DNAH5: variants seen among roughly 807,000 people sequenced by gnomAD.
DNAH5 encodes the protein axonemal beta dynein heavy chain 5.
DNAH5 carries 372 observed loss-of-function variants against 518.2 expected under a neutral mutation model. The observed-to-expected ratio is 0.72, with a 90% confidence interval of 0.66 to 0.78. The LOEUF is 0.78. Among genes scored for constraint, DNAH5 ranks in the 30% least tolerant of loss-of-function variants. DNAH5 has a pLI of 0.00. For synonymous variants in DNAH5, 2,039 were observed against 2,025.9 expected, an observed-to-expected ratio of 1.01 and a Z score of -0.17; for missense variants, 5,523 against 5,687.0, an observed-to-expected ratio of 0.97 and a Z score of 0.93.
intron 1 of DNAH5, among the ~76,000 whole-genome samples, chr5:13,980,425 A>G (rs563068556): frequency 6.6e-6 from 1 of 152,218 alleles, no homozygotes; most frequent in East Asian, 1.9e-4. Flanking sequence ...CATCGAACTC[A>G]GCATCTCCCA....
chr5:13,850,895 C>CTGGAGGAA, intron 30 of DNAH5, 80 bp from the exon 31 acceptor site: 1 of 1,451,204 alleles, frequency 6.9e-7, no homozygotes, highest in Non-Finnish European at 9.7e-7. Context: ...ATTCCTCCAG[C>CTGGAGGAA]TGAGGCTAGA....
At chr5:13,808,225 C>CAAAAAAAAAA (rs56686032) in intron 46 of DNAH5, among the ~76,000 whole-genome samples, 3 of 86,340 alleles carry the variant, frequency 3.5e-5, no homozygotes, top group Admixed American at 1.3e-4. Context: ...GACTCCATCT[C>CAAAAAAAAAA]AAAAAAAAAA....
intron 55 of DNAH5, among the ~76,000 whole-genome samples, chr5:13,774,623 T>C (rs563776352): frequency 3.5e-4 from 54 of 152,306 alleles, no homozygotes; most frequent in Middle Eastern, 3.4e-3. Flanking sequence ...AAGCTCAATA[T>C]GTACGTTCCG....
At chr5:13,937,751 GA>G (rs1411146262) in intron 1 of DNAH5, among the ~76,000 whole-genome samples, 1 of 152,172 alleles carries the variant, frequency 6.6e-6, no homozygotes, top group Admixed American at 6.5e-5. Context: ...AAGAGAAAGA[GA>G]TCTGACTTAA....
At chr5:13,921,236 C>T (rs999618201) in intron 5 of DNAH5, among the ~76,000 whole-genome samples, 3 of 152,004 alleles carry the variant, frequency 2.0e-5, no homozygotes, top group Admixed American at 1.3e-4. Flanking sequence ...ATTTGCTTAA[C>T]TCCCCCATTC....
In DNAH5 at chr5:13,920,623, T is replaced by C; in HGVS notation, c.661-6A>G. 6.2e-7 allele frequency: 1 copy of C among 1,614,008 alleles called. No homozygotes were observed. Among genetic ancestry groups the C allele is most frequent in the Non-Finnish European group, 8.5e-7 (1 of 1,179,894 alleles). On this transcript the variant is annotated splice_region_variant and splice_polypyrimidine_tract_variant and intron_variant, in intron 5 of 78. Transcript: ENST00000265104. ...TCACACTTTCGAAGGTTCACCTAAT[T>C]AGAATGAAAATTAAATAATCAGATG...
intron 32 of DNAH5, among the ~76,000 whole-genome samples, chr5:13,843,482 GC>G: frequency 6.6e-6 from 1 of 152,122 alleles, no homozygotes; most frequent in Middle Eastern, 3.2e-3. Context: ...GAAGTCCTAA[GC>G]CCTGATACCT....
chr5:13,716,167 A>G (rs1361454744), intron 74 of DNAH5, among the ~76,000 whole-genome samples: 1 of 152,202 alleles, frequency 6.6e-6, no homozygotes, highest in Non-Finnish European at 1.5e-5. Flanking sequence ...ACAGACAGAG[A>G]ACTCCAGGTG....
chr5:13,852,378 G>A (rs1054143893), intron 30 of DNAH5, among the ~76,000 whole-genome samples: 2 of 152,116 alleles, frequency 1.3e-5, no homozygotes, highest in Non-Finnish European at 2.9e-5. Flanking sequence ...TGTTGGTCAG[G>A]CTGGTCTCGA....
chr5:13,976,729 AC>A (rs1782286114), intron 1 of DNAH5, among the ~76,000 whole-genome samples: 1 of 151,238 alleles, frequency 6.6e-6, no homozygotes. Flanking sequence ...ACACATACAC[AC>A]ACACACACAC....
chr5:13,911,926 A>C (rs987138576), intron 11 of DNAH5, among the ~76,000 whole-genome samples: 4 of 152,170 alleles, frequency 2.6e-5, no homozygotes, highest in Non-Finnish European at 5.9e-5. Context: ...GAAGAAAATA[A>C]ATGATGTTAT....
At chr5:13,791,303 C>A (rs906839245) in intron 50 of DNAH5, among the ~76,000 whole-genome samples, 2 of 152,122 alleles carry the variant, frequency 1.3e-5, no homozygotes, top group African/African-American at 4.8e-5. Flanking sequence ...TAAACAGAGG[C>A]CAACCCTGTC....
intron 43 of DNAH5, among the ~76,000 whole-genome samples, chr5:13,813,487 C>A (rs544371605): frequency 2.0e-5 from 3 of 147,164 alleles, no homozygotes; most frequent in African/African-American, 5.0e-5. Context: ...TCCTGAGTTG[C>A]CTCCCAGAGA....
Position 13,735,620 on chromosome 5 carries a change from T to C in DNAH5, c.11570+198A>G, listed in dbSNP as rs57541376. ...AAGCCAAAGGAATCAAATCAATGGA[T>C]AAATAGTTGGTAGAGTTTTCTCTGG... On this transcript the variant is annotated intron_variant, in intron 67 of 78. Coordinates refer to ENST00000265104, the MANE Select transcript of DNAH5 (RefSeq NM_001369.3). Among the ~76,000 whole-genome samples the C allele has an allele frequency of 8.7e-3, 1,331 of 152,306 alleles. 19 individuals carry two copies. The highest frequency in any genetic ancestry group is 0.031 in the African/African-American group (1,274 of 41,560).
At chr5:13,879,278 C>A (rs1771311360) in intron 21 of DNAH5, among the ~76,000 whole-genome samples, 2 of 152,152 alleles carry the variant, frequency 1.3e-5, no homozygotes. Context: ...ATTTATCTGA[C>A]AGGGAATTCA....
rs1165789710 is a variant in DNAH5, at chr5:13,708,341, A to G, written c.13126-6T>C. On this transcript the variant is annotated splice_polypyrimidine_tract_variant and splice_region_variant and intron_variant, in intron 75 of 78. Transcript: ENST00000265104. The stretch of plus-strand genomic sequence containing the variant: ...TTCTGCAGCCTCTCTTTTACCTGCC[A>G]TGGAGACATTCAAAGCACATGTTAA... 2 of 1,613,694 alleles carry G rather than the reference A, an allele frequency of 1.2e-6. No individual in the cohort carries two copies. Among genetic ancestry groups the G allele is most frequent in the East Asian group, 2.2e-5 (1 of 44,882 alleles).
Position 13,793,506 on chromosome 5 carries a change from G to C in DNAH5, c.8224+9C>G. ...TCACCCTCCCACCCCACATCCTCTT[G>C]ATCTTTACCAAAGATCTTGTCCACA... On this transcript the variant is annotated intron_variant, in intron 49 of 78. Transcript: ENST00000265104. 1 of 1,601,066 alleles carries C rather than the reference G, an allele frequency of 6.2e-7. No homozygotes were observed. The highest frequency in any genetic ancestry group is 1.1e-5 in the South Asian group (1 of 90,788).
At chr5:14,007,639 T>C (rs751004058) in intron 1 of DNAH5, among the ~76,000 whole-genome samples, 7 of 152,186 alleles carry the variant, frequency 4.6e-5, no homozygotes, top group Non-Finnish European at 8.8e-5. Flanking sequence ...AGATTCCTCA[T>C]AAGAATCTGA....
chr5:13,827,414 T>G (rs1763021423), intron 38 of DNAH5, among the ~76,000 whole-genome samples: 2 of 150,588 alleles, frequency 1.3e-5, no homozygotes, highest in Admixed American at 6.6e-5. Context: ...CTGGGCCAGG[T>G]CCAGGGTCCC....
Sources: gnomAD v4.1 joint callset for allele counts (sites outside exome capture counted in the v4.1 genomes callset) on GRCh38, gnomAD v4.1.1 for gene constraint, MANE v1.5 for transcripts, NCBI Gene and HGNC (gene_info 2026-07-23, HGNC 2026-07-21) for gene names.